ACOXL: variants seen among roughly 807,000 people sequenced by gnomAD.
ACOXL encodes the protein acyl-CoA oxidase like.
In ACOXL, 70 loss-of-function variants were observed where a neutral mutation model predicts 71.9. The observed-to-expected ratio is 0.97, with a 90% CI of 0.80 to 1.19. The LOEUF (loss-of-function observed/expected upper bound fraction) is 1.19, where lower values mean the gene tolerates loss of function less well. Ranked by LOEUF, ACOXL falls within the 50% of genes most tolerant of loss-of-function variation. ACOXL has a pLI of 0.00. For missense variants in ACOXL, 703 were observed against 736.3 expected (o/e 0.95, Z 0.52); for synonymous variants, 253 against 281.6 (o/e 0.90, Z 1.02).
At chr2:110,952,641 T>C (rs2061371359) in intron 12 of ACOXL, among the ~76,000 whole-genome samples, 1 of 151,870 alleles carries the variant, frequency 6.6e-6, no homozygotes, top group African/African-American at 2.4e-5. Context: ...GAAATGGGGG[T>C]CTCACTGTGT....
chr2:110,827,127 A>G (rs960263222), intron 9 of ACOXL, among the ~76,000 whole-genome samples: 6 of 152,144 alleles, frequency 3.9e-5, no homozygotes, highest in African/African-American at 9.7e-5. Context: ...ATTTTAACCA[A>G]TCCTCCCTGA....
At chr2:111,107,471 T>G (rs1395834616) in intron 17 of ACOXL, among the ~76,000 whole-genome samples, 2 of 152,144 alleles carry the variant, frequency 1.3e-5, no homozygotes, top group South Asian at 2.1e-4. Context: ...GTTGTTGTTG[T>G]TGGTTTTTTT....
At position 111,117,961 on chromosome 2, in the gene ACOXL, C is replaced by G. The variant is rs1179734031; in HGVS notation, c.*145C>G. Reference sequence around the variant, plus strand: ...TTTGGTGGCAAAGCGGAGGTCCCGCCGAGGCTGGCGAGGTGCGCGGCTGGC... The same window carrying G: ...TTTGGTGGCAAAGCGGAGGTCCCGCGGAGGCTGGCGAGGTGCGCGGCTGGC... On this transcript the variant is annotated 3_prime_UTR_variant, in exon 18 of 18. Coordinates refer to ENST00000439055, the MANE Select transcript of ACOXL (RefSeq NM_001142807.4). 2.1e-6 allele frequency: 2 copies of G among 938,988 alleles called. No individual in the cohort carries two copies. Among genetic ancestry groups the G allele is most frequent in the East Asian group, 2.7e-5 (1 of 37,564 alleles). 58.2% of individuals were successfully genotyped at this position (938,988 alleles called of 1,614,324 possible). A position where few individuals can be genotyped will look rare whatever the true frequency, so the allele number is the denominator to read the frequency against.
chr2:110,863,845 C>T (rs1573891794), intron 10 of ACOXL, among the ~76,000 whole-genome samples: 2 of 152,160 alleles, frequency 1.3e-5, no homozygotes, highest in East Asian at 1.9e-4. Context: ...CTTTAAGAAC[C>T]AGACAGCTGA....
At chr2:110,808,969 G>A (rs968456224) in intron 9 of ACOXL, among the ~76,000 whole-genome samples, 6 of 152,120 alleles carry the variant, frequency 3.9e-5, no homozygotes, top group Non-Finnish European at 8.8e-5. Context: ...CAGCAAATAG[G>A]AGTGGAAAGA....
intron 10 of ACOXL, among the ~76,000 whole-genome samples, chr2:110,861,883 CG>C (rs1202823133): frequency 6.6e-6 from 1 of 152,130 alleles, no homozygotes; most frequent in East Asian, 1.9e-4. Flanking sequence ...TGAACGGCTC[CG>C]GGTGACCCCC....
At chr2:111,002,535 GA>G (rs2063684244) in intron 14 of ACOXL, among the ~76,000 whole-genome samples, 1 of 152,146 alleles carries the variant, frequency 6.6e-6, no homozygotes, top group Non-Finnish European at 1.5e-5. Flanking sequence ...ATGTCATAAT[GA>G]ATATCCTTAA....
At position 110,768,479 on chromosome 2, in the gene ACOXL, T is replaced by C. The variant is rs1330687616; in HGVS notation, c.75+15T>C. On this transcript the variant is annotated intron_variant, in intron 2 of 17. Transcript: ENST00000439055. ...GTCAGGATCTGGTAAGTGTCATTAT[T>C]ATTCTGGTATGGTTGTGTGTGTGTG... is the stretch of plus-strand genomic sequence containing the variant. 1 of 1,611,644 alleles carries C rather than the reference T, an allele frequency of 6.2e-7. No individual in the cohort carries two copies. Among genetic ancestry groups the C allele is most frequent in the Admixed American group, 1.7e-5 (1 of 59,982 alleles).
At chr2:110,874,782 G>A (rs1008530061) in intron 10 of ACOXL, among the ~76,000 whole-genome samples, 2 of 152,114 alleles carry the variant, frequency 1.3e-5, no homozygotes, top group African/African-American at 4.8e-5. Context: ...TTTATTATTC[G>A]CATCATTTTC....
chr2:110,862,517 G>A (rs1694076712), intron 10 of ACOXL, among the ~76,000 whole-genome samples: 1 of 152,122 alleles, frequency 6.6e-6, no homozygotes, highest in Admixed American at 6.6e-5. Context: ...AGCAAAAAGG[G>A]GGCCTCTTTG....
chr2:110,995,487 G>A (rs2063349323), intron 13 of ACOXL, among the ~76,000 whole-genome samples: 1 of 82,604 alleles, frequency 1.2e-5, no homozygotes. Flanking sequence ...GAAACAGAGT[G>A]AGACTCTGTC....
chr2:111,104,497 T>C (rs1395202653), intron 17 of ACOXL, among the ~76,000 whole-genome samples: 1 of 152,198 alleles, frequency 6.6e-6, no homozygotes. Flanking sequence ...CTCACTAGCA[T>C]TGGGTGTTGT....
In ACOXL at chr2:110,814,823, A is replaced by G. The variant is rs939798676; in HGVS notation, c.753+9428A>G. 7.9e-5 allele frequency among the ~76,000 whole-genome samples: 12 copies of G among 152,212 alleles called. 1 individual carries two copies. The highest frequency in any genetic ancestry group is 2.9e-4 in the African/African-American group (12 of 41,456). On this transcript the variant is annotated intron_variant, in intron 9 of 17. Coordinates refer to ENST00000439055, the MANE Select transcript of ACOXL (RefSeq NM_001142807.4). ...GAATCACTTTTCTTATACTCTATAA[A>G]TTACTCAGAATTGTATCATGTTTTT...
chr2:110,897,629 G>C (rs1252338693), intron 10 of ACOXL, among the ~76,000 whole-genome samples: 11 of 152,114 alleles, frequency 7.2e-5, no homozygotes, highest in Admixed American at 7.2e-4. Flanking sequence ...TGTTGCATTG[G>C]GGATTACATT....
intron 1 of ACOXL, among the ~76,000 whole-genome samples, chr2:110,767,694 CATG>C (rs1162209885): frequency 1.3e-5 from 2 of 152,214 alleles, no homozygotes; most frequent in Admixed American, 6.5e-5. Context: ...TTGCAACACG[CATG>C]TCACTCCCTT....
At chr2:111,071,562 C>T (rs1469049976) in intron 16 of ACOXL, among the ~76,000 whole-genome samples, 1 of 152,254 alleles carries the variant, frequency 6.6e-6, no homozygotes, top group Non-Finnish European at 1.5e-5. Context: ...TGGCTAAAGT[C>T]TGAGGCAGAA....
chr2:110,758,385 G>T (rs1356689310), intron 1 of ACOXL, among the ~76,000 whole-genome samples: 1 of 152,038 alleles, frequency 6.6e-6, no homozygotes, highest in Non-Finnish European at 1.5e-5. Context: ...GCTCCTTTTT[G>T]GTTCCATATG....
At chr2:110,762,057 T>C (rs1680464320) in intron 1 of ACOXL, among the ~76,000 whole-genome samples, 4 of 152,230 alleles carry the variant, frequency 2.6e-5, no homozygotes, top group Admixed American at 2.6e-4. Flanking sequence ...TTGTTATGTC[T>C]TCTTTGTGGA....
chr2:111,011,115 G>A (rs993543864), intron 14 of ACOXL, among the ~76,000 whole-genome samples: 1 of 152,100 alleles, frequency 6.6e-6, no homozygotes, highest in African/African-American at 2.4e-5. Flanking sequence ...AGGGTTTATG[G>A]CATATATAAA....
Sources: gnomAD v4.1 joint callset for allele counts (sites outside exome capture counted in the v4.1 genomes callset) on GRCh38, gnomAD v4.1.1 for gene constraint, MANE v1.5 for transcripts, NCBI Gene and HGNC (gene_info 2026-07-23, HGNC 2026-07-21) for gene names.